The following FAIM variants were observed in gnomAD, a reference collection of about 807,000 sequenced individuals.
The protein encoded by FAIM is fas apoptotic inhibitory molecule 1.
In FAIM, 14 loss-of-function variants were observed where a neutral mutation model predicts 21.2. That is an observed-to-expected ratio of 0.66 (90% CI 0.44 to 1.03). FAIM has a LOEUF of 1.03. Among genes scored for constraint, FAIM ranks in the 50% least tolerant of loss-of-function variants. The pLI is 0.00. For synonymous variants in FAIM, 86 were observed against 80.4 expected (o/e 1.07, Z -0.37); for missense variants, 222 against 247.1 (o/e 0.90, Z 0.68).
intron 1 of FAIM, among the ~76,000 whole-genome samples, chr3:138,614,480 A>T (rs1388919218): frequency 6.6e-6 from 1 of 152,100 alleles, no homozygotes; most frequent in Non-Finnish European, 1.5e-5. Flanking sequence ...CAAATTTCTG[A>T]CAGCGTCTAG....
chr3:138,629,112 G>A lies in FAIM; in HGVS notation c.412G>A (p.Asp138Asn). 1.2e-6 allele frequency: 2 copies of A among 1,607,188 alleles called. No individual in the cohort carries two copies. Among genetic ancestry groups the A allele is most frequent in the South Asian group, 2.2e-5 (2 of 90,146 alleles). ...TTTTTATGTTACCTTTACAGAAAAA[G>A]ATGCTATGGACGTATGGTGCAATGG... ...GENFRIVLEK[D>N]AMDVWCNGKK... Residue 138 changes from aspartate (D) to asparagine (N), a missense_variant, in exon 5 of 6, where the codon GAT becomes AAT. Transcript: ENST00000360570.
intron 4 of FAIM, among the ~76,000 whole-genome samples, chr3:138,628,661 T>C (rs549716761): frequency 6.6e-6 from 1 of 152,008 alleles, no homozygotes; most frequent in South Asian, 2.1e-4. Context: ...ATTATTGTAT[T>C]TTTAGTAGAG....
intron 1 of FAIM, among the ~76,000 whole-genome samples, chr3:138,618,631 G>A (rs1469592885): frequency 6.6e-6 from 1 of 152,204 alleles, no homozygotes; most frequent in Non-Finnish European, 1.5e-5. Flanking sequence ...TCATGCCACT[G>A]CACTCCAGCT....
intron 3 of FAIM, among the ~76,000 whole-genome samples, 178 bp downstream of exon 3, chr3:138,621,717 A>G (rs2042888008): frequency 6.6e-6 from 1 of 152,198 alleles, no homozygotes; most frequent in Non-Finnish European, 1.5e-5. Context: ...ATAGCGTGTA[A>G]TATTTAAACT....
At chr3:138,631,693 G>A (rs1014703973) in intron 5 of FAIM, among the ~76,000 whole-genome samples, 6 of 152,096 alleles carry the variant, frequency 3.9e-5, no homozygotes, top group East Asian at 1.9e-4. Context: ...TCAAAGCATC[G>A]TGCCAAAATT....
At chr3:138,627,078 T>C (rs1278820504) in intron 4 of FAIM, among the ~76,000 whole-genome samples, 1 of 152,202 alleles carries the variant, frequency 6.6e-6, no homozygotes, top group Non-Finnish European at 1.5e-5. Context: ...TTTAGTCCTT[T>C]GTTCATGCTG....
intron 4 of FAIM, among the ~76,000 whole-genome samples, chr3:138,624,927 A>T (rs1233356147): frequency 6.6e-6 from 1 of 152,200 alleles, no homozygotes; most frequent in African/African-American, 2.4e-5. Flanking sequence ...GCACTTTGGG[A>T]GGCTGAAGTG....
At chr3:138,613,267 G>A (rs541471370) in intron 1 of FAIM, among the ~76,000 whole-genome samples, 113 of 152,008 alleles carry the variant, frequency 7.4e-4, no homozygotes, top group Non-Finnish European at 1.3e-3. Flanking sequence ...TGATCCACCC[G>A]CCTCAGCCTC....
rs1195011669 is a variant in FAIM at position 138,622,383 on chromosome 3, C to T, written c.373C>T (p.His125Tyr). 1 of 1,608,532 alleles carries T rather than the reference C, an allele frequency of 6.2e-7. No individual in the cohort carries two copies. Among genetic ancestry groups the T allele is most frequent in the African/African-American group, 1.3e-5 (1 of 74,454 alleles). Residue 125 changes from histidine (H) to tyrosine (Y), a missense_variant, in exon 4 of 6, where the codon CAC (histidine) becomes TAC (tyrosine). Transcript: ENST00000360570. ...AAAAACCACCAATACTTGGGTATTA[C>T]ACATGGATGGTGAGAACTTTAGAAT... ...RSKTTNTWVLHMDGENFRIVL... is the reference protein window; with the variant it reads ...RSKTTNTWVLYMDGENFRIVL...
chr3:138,629,085 A>G lies in FAIM; in HGVS notation c.407-22A>G, dbSNP rs760810535. 34 of 1,570,204 alleles carry G rather than the reference A, an allele frequency of 2.2e-5. No individual in the cohort carries two copies. The Admixed American group carries it at 6.1e-4, about 28-fold the overall frequency. ...TTTAAATCACAGAATTATAACTTAA[A>G]GTTTTTATGTTACCTTTACAGAAAA... On this transcript the variant is annotated intron_variant, in intron 4 of 5. Transcript: ENST00000360570.
rs1389932684 is a variant in FAIM, at chr3:138,622,248, G to C, written c.238G>C (p.Ala80Pro). ...LVGKETFYVG[A>P]AKTKATINID... ...GGGCAAAGAAACATTCTATGTTGGA[G>C]CTGCAAAGACAAAAGCGACCATAAA... The change falls in exon 4 of 6, where the codon GCT becomes CCT. Residue 80 changes from alanine to proline, a missense_variant. By Grantham distance (27) the Ala-to-Pro change is conservative (BLOSUM62 -1). Coordinates refer to ENST00000360570, the MANE Select transcript of FAIM (RefSeq NM_001033031.2). 5 of 1,613,870 alleles carry C rather than the reference G, an allele frequency of 3.1e-6. No individual in the cohort carries two copies. Among genetic ancestry groups the C allele is most frequent in the Non-Finnish European group, 4.2e-6 (5 of 1,179,954 alleles).
chr3:138,622,176 T>G lies in FAIM; in HGVS notation c.178-12T>G. The G allele has an allele frequency of 3.2e-6, 5 of 1,567,478 alleles. No individual in the cohort carries two copies. The highest frequency in any genetic ancestry group is 4.3e-6 in the Non-Finnish European group (5 of 1,159,390). ...TTCCATTTGTTTCATATTTTTCTGT[T>G]TTATTATGTAGGAAGAGATAAGAAA... On this transcript the variant is annotated splice_polypyrimidine_tract_variant and intron_variant, in intron 3 of 5. Coordinates refer to ENST00000360570, the MANE Select transcript of FAIM (RefSeq NM_001033031.2).
chr3:138,631,439 G>T (rs1308122230), intron 5 of FAIM, among the ~76,000 whole-genome samples: 1 of 152,138 alleles, frequency 6.6e-6, no homozygotes, highest in African/African-American at 2.4e-5. Context: ...GAATGTTGTT[G>T]TGGTTGTAAA....
At chr3:138,611,834 G>A (rs2042772401) in intron 1 of FAIM, among the ~76,000 whole-genome samples, 1 of 152,202 alleles carries the variant, frequency 6.6e-6, no homozygotes, top group Non-Finnish European at 1.5e-5. Flanking sequence ...ATGAGTAGAA[G>A]CAACTTGAGG....
chr3:138,611,114 T>G, intron 1 of FAIM: 1 of 1,109,568 alleles, frequency 9.0e-7, no homozygotes, highest in Non-Finnish European at 1.4e-6. Context: ...GAATATGACA[T>G]GTGTTTATTA....
chr3:138,614,936 G>A (rs1463580850), intron 1 of FAIM, among the ~76,000 whole-genome samples: 2 of 152,132 alleles, frequency 1.3e-5, no homozygotes, highest in Admixed American at 1.3e-4. Flanking sequence ...ACAAGACCCT[G>A]TCTCAAAACA....
chr3:138,616,609 TC>T, intron 1 of FAIM, among the ~76,000 whole-genome samples: 1 of 152,268 alleles, frequency 6.6e-6, no homozygotes. Context: ...TTCTCCTGTC[TC>T]AGCCTCTCAA....
chr3:138,623,632 G>A (rs909333641), intron 4 of FAIM, among the ~76,000 whole-genome samples: 6 of 152,210 alleles, frequency 3.9e-5, no homozygotes, highest in African/African-American at 1.4e-4. Flanking sequence ...GCCTCCAAAA[G>A]TGCTGGGATT....
At chr3:138,610,012 AC>A (rs1296019213) in intron 1 of FAIM, among the ~76,000 whole-genome samples, 10 of 151,754 alleles carry the variant, frequency 6.6e-5, no homozygotes, top group African/African-American at 9.7e-5. Context: ...TTTACTGGAG[AC>A]CCCCCTCACT....
Sources: allele counts gnomAD v4.1 joint callset (sites outside exome capture counted in the v4.1 genomes callset), GRCh38; gene constraint gnomAD v4.1.1; transcripts MANE v1.5; gene names NCBI Gene and HGNC (gene_info 2026-07-23, HGNC 2026-07-21).